Variants in B3GLCT observed in about 807,000 individuals in gnomAD.
B3GLCT encodes beta 3-glucosyltransferase, also known as beta-1,3-glucosyltransferase.
A neutral mutation model predicts 63.4 loss-of-function variants in B3GLCT; 65 were observed. That is an observed-to-expected ratio of 1.03 (90% CI 0.84 to 1.26). The LOEUF is 1.26. B3GLCT is among the 50% of genes most tolerant of loss of function. The pLI is 0.00. For synonymous variants in B3GLCT, 233 were observed against 219.2 expected (o/e 1.06, Z -0.55); for missense variants, 577 against 604.8 (o/e 0.95, Z 0.48).
chr13:31,207,540 T>C (rs1470100971), intron 1 of B3GLCT, among the ~76,000 whole-genome samples: 3 of 152,202 alleles, frequency 2.0e-5, no homozygotes, highest in Non-Finnish European at 2.9e-5. Context: ...ATATATATAG[T>C]TATTTTCTAT....
intron 1 of B3GLCT, among the ~76,000 whole-genome samples, chr13:31,210,527 G>A (rs1869203024): frequency 6.6e-6 from 1 of 152,184 alleles, no homozygotes; most frequent in South Asian, 2.1e-4. Context: ...TCAAATTGCA[G>A]TATGCACTCG....
intron 4 of B3GLCT, among the ~76,000 whole-genome samples, chr13:31,237,126 A>AG (rs1491578452): frequency 4.8e-5 from 1 of 20,992 alleles, no homozygotes; most frequent in Non-Finnish European, 2.2e-4. Flanking sequence ...ACTCCATCTC[A>AG]AAAAAAAAAA....
At chr13:31,275,458 A>G (rs1405012535) in intron 9 of B3GLCT, among the ~76,000 whole-genome samples, 6 of 152,136 alleles carry the variant, frequency 3.9e-5, no homozygotes, top group African/African-American at 1.4e-4. Context: ...ATTGATTAGA[A>G]TTTCTGTTCC....
intron 12 of B3GLCT, among the ~76,000 whole-genome samples, chr13:31,315,227 G>A (rs1009678453): frequency 2.6e-5 from 4 of 152,210 alleles, no homozygotes; most frequent in Admixed American, 6.5e-5. Context: ...GCAGAGGTTG[G>A]AACAGTTTGG....
chr13:31,212,150 C>G (rs1869295667), intron 1 of B3GLCT, among the ~76,000 whole-genome samples: 1 of 150,732 alleles, frequency 6.6e-6, no homozygotes, highest in Admixed American at 6.6e-5. Context: ...CTTGTCCAGG[C>G]TGGAATATAG....
At chr13:31,281,697 G>A (rs1873078318) in intron 10 of B3GLCT, among the ~76,000 whole-genome samples, 2 of 152,222 alleles carry the variant, frequency 1.3e-5, no homozygotes, top group South Asian at 4.1e-4. Flanking sequence ...CCTGAGAAGA[G>A]AAGTGCAATC....
At chr13:31,233,571 A>G (rs1189864230) in intron 4 of B3GLCT, among the ~76,000 whole-genome samples, 2 of 152,140 alleles carry the variant, frequency 1.3e-5, no homozygotes, top group African/African-American at 4.8e-5. Flanking sequence ...GCTGACCTAC[A>G]TTCTGCATTC....
At chr13:31,234,350 G>A (rs1407707765) in intron 4 of B3GLCT, among the ~76,000 whole-genome samples, 1 of 152,164 alleles carries the variant, frequency 6.6e-6, no homozygotes, top group African/African-American at 2.4e-5. Context: ...AGGTGGAAGA[G>A]CAGTGATAGA....
In B3GLCT at chr13:31,321,366, T is replaced by G. The variant is rs535936617; in HGVS notation, c.1185-2385T>G. On this transcript the variant is annotated intron_variant, in intron 13 of 14. Transcript: ENST00000343307. ...TCTAGCTTGAGAACCAATATGCCTT[T>G]TAACAGCAAGTCAGAATCAGTGGCT... is the stretch of plus-strand genomic sequence containing the variant. 2.6e-5 allele frequency among the ~76,000 whole-genome samples: 4 copies of G among 152,358 alleles called. No homozygotes were observed. The South Asian group carries it at 8.3e-4, about 32-fold the overall frequency.
At chr13:31,239,590 T>C (rs113736318) in intron 4 of B3GLCT, among the ~76,000 whole-genome samples, 1,612 of 152,216 alleles carry the variant, frequency 0.011, 19 homozygotes, top group Middle Eastern at 0.061. Context: ...TTTTGTTAGT[T>C]ACATGAAACA....
At chr13:31,219,531 G>A (rs868152520) in intron 2 of B3GLCT, among the ~76,000 whole-genome samples, 6 of 152,112 alleles carry the variant, frequency 3.9e-5, no homozygotes, top group Admixed American at 6.5e-5. Flanking sequence ...TGAATGACAG[G>A]CATAAGGTTA....
At chr13:31,222,319 A>T in intron 2 of B3GLCT, among the ~76,000 whole-genome samples, 1 of 151,510 alleles carries the variant, frequency 6.6e-6, no homozygotes, top group Non-Finnish European at 1.5e-5. Context: ...CTTGTGATCC[A>T]CCTGCCTCGA....
chr13:31,269,382 A>C, intron 8 of B3GLCT, 105 bp downstream of exon 8: 1 of 761,112 alleles, frequency 1.3e-6, no homozygotes, highest in East Asian at 2.7e-5. Context: ...CCCCACCCAC[A>C]TCTACTCCCC....
intron 1 of B3GLCT, among the ~76,000 whole-genome samples, chr13:31,207,234 A>T (rs779484690): frequency 2.2e-4 from 33 of 152,192 alleles, no homozygotes; most frequent in Non-Finnish European, 4.3e-4. Flanking sequence ...TAAGCCTGAC[A>T]GTTAACTGTT....
intron 1 of B3GLCT, among the ~76,000 whole-genome samples, chr13:31,213,993 C>T (rs1387187339): frequency 2.0e-5 from 3 of 150,926 alleles, no homozygotes; most frequent in African/African-American, 4.9e-5. Context: ...TTCTTTTGAG[C>T]AAATGTTAAT....
intron 1 of B3GLCT, among the ~76,000 whole-genome samples, chr13:31,208,686 C>T (rs958228013): frequency 2.0e-5 from 3 of 148,048 alleles, no homozygotes; most frequent in Admixed American, 1.3e-4. Context: ...CTCCAGTGGC[C>T]TTCCCACTGG....
intron 6 of B3GLCT, chr13:31,260,466 T>C (rs892134939): frequency 6.5e-6 from 1 of 153,936 alleles, no homozygotes; most frequent in African/African-American, 2.4e-5. Flanking sequence ...TTAATTTCCA[T>C]TTCTCCACTC....
chr13:31,254,943 A>C (rs1009343367), intron 6 of B3GLCT, among the ~76,000 whole-genome samples: 15 of 151,178 alleles, frequency 9.9e-5, no homozygotes, highest in Admixed American at 4.0e-4. Context: ...AGGCTGAGGC[A>C]GGAGAATCGC....
intron 12 of B3GLCT, chr13:31,312,680 G>C (rs1157232651): frequency 6.6e-6 from 1 of 152,204 alleles, no homozygotes; most frequent in Non-Finnish European, 1.5e-5. Flanking sequence ...AGAAGTCGCA[G>C]GGAGCTGAGA....
Sources: gnomAD v4.1 joint callset for allele counts (sites outside exome capture counted in the v4.1 genomes callset) on GRCh38, gnomAD v4.1.1 for gene constraint, MANE v1.5 for transcripts, NCBI Gene and HGNC (gene_info 2026-07-23, HGNC 2026-07-21) for gene names.